LRIG2: variants seen among roughly 807,000 people sequenced by gnomAD.
LRIG2 encodes leucine rich repeats and immunoglobulin like domains 2.
In LRIG2, 93 loss-of-function variants were observed where a neutral mutation model predicts 107.8. The observed-to-expected ratio is 0.86, with a 90% CI of 0.73 to 1.03. The LOEUF is 1.03. Ranked by LOEUF, LRIG2 falls within the 50% of genes least tolerant of loss-of-function variation. LRIG2 has a pLI of 0.00. For missense variants in LRIG2, 1,226 were observed against 1,296.0 expected, an observed-to-expected ratio of 0.95 and a Z score of 0.83; for synonymous variants, 471 against 470.6, an observed-to-expected ratio of 1.00 and a Z score of -0.01.
chr1:113,094,362 C>A lies in LRIG2; in HGVS notation c.539C>A (p.Thr180Asn), dbSNP rs1653953830. Residue 180 changes from threonine (T) to asparagine (N), a missense_variant, in exon 5 of 18, where the codon ACC becomes AAC. Around this residue, in one of 3 missense-constraint regions of LRIG2, gnomAD observed 570 missense variants for 550.2 expected, o/e 1.04. Transcript: ENST00000361127. ...KYLNLSNNRI[T>N]TLEAGCFDNL... ...AGGAATTTAAGTAATAACAGAATAACCACCTTGGAGGCTGGTTGCTTCGAT... is the reference window on the plus strand; with the variant it reads ...AGGAATTTAAGTAATAACAGAATAAACACCTTGGAGGCTGGTTGCTTCGAT... 2 of 1,608,062 alleles carry A rather than the reference C, an allele frequency of 1.2e-6. No homozygotes were observed. The highest frequency in any genetic ancestry group is 4.5e-5 in the East Asian group (2 of 44,810).
At chr1:113,113,897 A>G (rs1654885042) in intron 14 of LRIG2, among the ~76,000 whole-genome samples, 1 of 152,134 alleles carries the variant, frequency 6.6e-6, no homozygotes, top group African/African-American at 2.4e-5. Flanking sequence ...TCACTCAAAT[A>G]CTTAAGGATT....
Position 113,110,387 on chromosome 1 carries a change from T to A in LRIG2, c.1623T>A (p.Tyr541Ter). The A allele has an allele frequency of 6.2e-7, 1 of 1,614,210 alleles. No homozygotes were observed. The highest frequency in any genetic ancestry group is 8.5e-7 in the Non-Finnish European group (1 of 1,180,040). ...TVWRKDSEIL[Y>*]DVDTENFVRY... Reference sequence around the variant, plus strand: ...GGCGCAAAGACAGTGAAATCCTGTATGACGTGGATACTGAGAATTTTGTTC... The same window carrying A: ...GGCGCAAAGACAGTGAAATCCTGTAAGACGTGGATACTGAGAATTTTGTTC... The change falls in exon 13 of 18, where the codon TAT becomes TAA. Residue 541 changes from tyrosine (Y) to a stop codon, truncating the protein, a stop_gained. Transcript: ENST00000361127. LOFTEE classifies it high-confidence loss of function.
chr1:113,075,450 A>G lies in LRIG2; in HGVS notation c.239+1805A>G, dbSNP rs1652932445. Reference sequence around the variant, plus strand: ...GTAAACATAGAACTGCAGTGTAGTAAGATGCTTTCTCTTTCATGGTAGTGA... The same window carrying G: ...GTAAACATAGAACTGCAGTGTAGTAGGATGCTTTCTCTTTCATGGTAGTGA... On this transcript the variant is annotated intron_variant, in intron 1 of 17. Transcript: ENST00000361127. Among the ~76,000 whole-genome samples the G allele has an allele frequency of 2.0e-5, 3 of 152,210 alleles. No individual in the cohort carries two copies. In the South Asian group the frequency reaches 6.2e-4, roughly 31 times the overall value.
intron 1 of LRIG2, among the ~76,000 whole-genome samples, chr1:113,076,273 T>C (rs1243562011): frequency 6.6e-6 from 1 of 152,212 alleles, no homozygotes; most frequent in East Asian, 1.9e-4. Flanking sequence ...CCCAAAGTGC[T>C]AGGATTACAG....
At chr1:113,088,663 G>A (rs1653661202) in intron 1 of LRIG2, among the ~76,000 whole-genome samples, 1 of 152,162 alleles carries the variant, frequency 6.6e-6, no homozygotes, top group Non-Finnish European at 1.5e-5. Context: ...TATTATGCTA[G>A]CCTGCTACAC....
chr1:113,107,824 A>G, intron 12 of LRIG2, 67 bp downstream of exon 12: 1 of 1,397,994 alleles, frequency 7.2e-7, no homozygotes. Flanking sequence ...TAAAAAAATT[A>G]AACCAGAATG....
At chr1:113,088,187 A>G (rs1165357253) in intron 1 of LRIG2, among the ~76,000 whole-genome samples, 1 of 152,130 alleles carries the variant, frequency 6.6e-6, no homozygotes, top group East Asian at 1.9e-4. Flanking sequence ...AGAGAGCCTC[A>G]TTATATGGGG....
Position 113,113,981 on chromosome 1 carries a change from T to C in LRIG2, c.2081-446T>C, listed in dbSNP as rs114502453. 9.0e-3 allele frequency among the ~76,000 whole-genome samples: 1,369 copies of C among 152,314 alleles called. 17 individuals are homozygous for C. The highest frequency in any genetic ancestry group is 0.031 in the African/African-American group (1,299 of 41,570). On this transcript the variant is annotated intron_variant, in intron 14 of 17. Transcript: ENST00000361127. ...CCTACATTTTTTTCATTTAATATTGTACCACAAGTTGCCTTGTTATTAAAG... is the reference window on the plus strand; with the variant it reads ...CCTACATTTTTTTCATTTAATATTGCACCACAAGTTGCCTTGTTATTAAAG...
At chr1:113,077,221 T>A (rs1653019591) in intron 1 of LRIG2, among the ~76,000 whole-genome samples, 1 of 152,112 alleles carries the variant, frequency 6.6e-6, no homozygotes, top group African/African-American at 2.4e-5. Flanking sequence ...CTCGGCTCAC[T>A]GCAACCTCTG....
intron 1 of LRIG2, among the ~76,000 whole-genome samples, chr1:113,085,790 C>T (rs1653521111): frequency 6.6e-6 from 1 of 152,068 alleles, no homozygotes; most frequent in Non-Finnish European, 1.5e-5. Flanking sequence ...GTTAAGTAGC[C>T]TGTTACAGAA....
intron 9 of LRIG2, 81 bp from the exon 10 acceptor site, chr1:113,100,130 T>C: frequency 1.3e-6 from 1 of 798,020 alleles, no homozygotes; most frequent in Non-Finnish European, 2.0e-6. Context: ...ACGCTTATTT[T>C]CACTTTTTAT....
chr1:113,078,899 C>T (rs1003072662), intron 1 of LRIG2, among the ~76,000 whole-genome samples: 2 of 152,132 alleles, frequency 1.3e-5, no homozygotes, highest in Non-Finnish European at 2.9e-5. Context: ...CTCGGCCTCC[C>T]AAAGTGTTGG....
rs140792950 is a variant in LRIG2, at chr1:113,099,492, G to A, written c.1172+707G>A. On this transcript the variant is annotated intron_variant, in intron 9 of 17. Coordinates refer to ENST00000361127, the MANE Select transcript of LRIG2 (RefSeq NM_014813.3). ...TGGGCTCAAGTGATCCTCCCACCTT[G>A]GCCTCCCAAAGTGCTGGGATTATAG... Among the ~76,000 whole-genome samples the A allele has an allele frequency of 2.3e-4, 35 of 150,946 alleles. 1 individual carries two copies. In the East Asian group the frequency reaches 6.9e-3, roughly 30 times the overall value.
At chr1:113,112,829 G>C (rs943648132) in intron 14 of LRIG2, 69 bp downstream of exon 14, 1 of 1,411,876 alleles carries the variant, frequency 7.1e-7, no homozygotes, top group African/African-American at 1.4e-5. Context: ...GTCTTAATGA[G>C]CAAGAAAAAT....
At chr1:113,101,009 C>T (rs1654285682) in intron 11 of LRIG2, among the ~76,000 whole-genome samples, 1 of 152,116 alleles carries the variant, frequency 6.6e-6, no homozygotes, top group Non-Finnish European at 1.5e-5. Flanking sequence ...ATTGTTCTTA[C>T]TGGTTTCGAG....
chr1:113,096,418 A>G, intron 8 of LRIG2, 53 bp downstream of exon 8: 4 of 1,550,732 alleles, frequency 2.6e-6, no homozygotes, highest in Non-Finnish European at 3.5e-6. Context: ...TTTTAGTACA[A>G]TAAAGCAAAT....
chr1:113,115,296 C>T (rs1302907791), intron 15 of LRIG2, among the ~76,000 whole-genome samples: 4 of 152,146 alleles, frequency 2.6e-5, no homozygotes, highest in African/African-American at 9.7e-5. Context: ...CTCACTGCAG[C>T]GTTGACTTCC....
chr1:113,089,918 C>G (rs1424102869), intron 1 of LRIG2, among the ~76,000 whole-genome samples: 1 of 151,666 alleles, frequency 6.6e-6, no homozygotes, highest in Non-Finnish European at 1.5e-5. Flanking sequence ...TGGTCTTGAA[C>G]TCCTGACCCC....
At position 113,099,244 on chromosome 1, in the gene LRIG2, CT is replaced by C. The variant is rs984786053; in HGVS notation, c.1172+470del. 1.0e-3 allele frequency among the ~76,000 whole-genome samples: 121 copies of C among 117,922 alleles called. 4 individuals carry two copies. The highest frequency in any genetic ancestry group is 3.4e-3 in the African/African-American group (106 of 31,496). 77.4% of individuals were successfully genotyped at this position (117,922 alleles called of 152,430 possible). A position where few individuals can be genotyped will look rare whatever the true frequency, so the allele number is the denominator to read the frequency against. On this transcript the variant is annotated intron_variant, in intron 9 of 17. Transcript: ENST00000361127. ...GCCACTGAACTTGGCTGGTTTTTTT[CT>C]TTTTTTTTTTGAGACAGGGTCTTGC...
Sources: allele counts gnomAD v4.1 joint callset (sites outside exome capture counted in the v4.1 genomes callset), GRCh38; gene constraint gnomAD v4.1.1; regional missense constraint gnomAD v4.1.1; transcripts MANE v1.5; gene names NCBI Gene and HGNC (gene_info 2026-07-23, HGNC 2026-07-21).